Variants in SMIM27 observed in about 807,000 individuals in gnomAD.
SMIM27 encodes the protein TOPORS antisense RNA 1 (non-protein coding).
In SMIM27, 3 loss-of-function variants were observed where a neutral mutation model predicts 1.8. That is an observed-to-expected ratio of 1.65 (90% CI 0.75 to 4.28). SMIM27 has a LOEUF of 4.28. Ranked by LOEUF, SMIM27 falls within the 30% of genes most tolerant of loss-of-function variation. The probability of loss-of-function intolerance (pLI) is 0.02; values close to 1 mark genes in which losing one functional copy is unlikely to be tolerated. For missense variants in SMIM27, 63 were observed against 37.0 expected, an observed-to-expected ratio of 1.70 and a Z score of -1.83; for synonymous variants, 19 against 13.9, an observed-to-expected ratio of 1.37 and a Z score of -0.82.
rs924013379 is a variant in SMIM27 at position 32,559,022 on chromosome 9, C to A, written c.45+6543C>A. On this transcript the variant is annotated intron_variant, in intron 1 of 1. Transcript: ENST00000451672. ...TTTCTTCTGAAAATAAGAAATAGGT[C>A]ATACCCCAAATTTTAACTTAAGCTC... 5 of 1,134,404 alleles carry A rather than the reference C, an allele frequency of 4.4e-6. No individual in the cohort carries two copies. The Admixed American group carries it at 8.4e-5, about 19-fold the overall frequency. 70.3% of individuals were successfully genotyped at this position (1,134,404 alleles called of 1,614,324 possible).
chr9:32,566,637 G>A (rs1056140220), exon 2 of SMIM27: 2 of 793,892 alleles, frequency 2.5e-6, no homozygotes, highest in African/African-American at 1.7e-5. Context: ...CACCATGGAG[G>A]AGCAGGAGCT....
intron 1 of SMIM27, among the ~76,000 whole-genome samples, chr9:32,565,997 A>T (rs1821774860): frequency 6.6e-6 from 1 of 151,924 alleles, no homozygotes; most frequent in South Asian, 2.1e-4. Flanking sequence ...ACAAACAATG[A>T]TTCAGAAATG....
chr9:32,552,748 G>T (rs1238795793), intron 1 of SMIM27, 53 bp from the exon 2 acceptor site: 2 of 684,384 alleles, frequency 2.9e-6, no homozygotes, highest in Non-Finnish European at 5.3e-6. Flanking sequence ...CCTGACGGGG[G>T]CGAGGGGAAA....
At chr9:32,561,845 T>TCAA (rs760443052) in intron 1 of SMIM27, among the ~76,000 whole-genome samples, 2 of 152,240 alleles carry the variant, frequency 1.3e-5, no homozygotes, top group Non-Finnish European at 2.9e-5. Flanking sequence ...AACCAGATTC[T>TCAA]CAACTGACAT....
At chr9:32,560,801 T>C (rs1282357106) in intron 1 of SMIM27, among the ~76,000 whole-genome samples, 1 of 152,236 alleles carries the variant, frequency 6.6e-6, no homozygotes, top group Non-Finnish European at 1.5e-5. Context: ...CAAAGGAGAT[T>C]ATTCTTATTT....
intron 1 of SMIM27, among the ~76,000 whole-genome samples, chr9:32,563,491 C>CTGTTTTTTTTTTT (rs1554673972): frequency 1.1e-5 from 1 of 92,004 alleles, no homozygotes; most frequent in Non-Finnish European, 2.2e-5. Context: ...GACTATTGGG[C>CTGTTTTTTTTTTT]TTTTTTTTTT....
At chr9:32,566,675 G>A in exon 2 of SMIM27, 2 of 816,406 alleles carry the variant, frequency 2.4e-6, no homozygotes, top group South Asian at 1.3e-5. Context: ...TCCGGATCCG[G>A]CTTTCACAGC....
At chr9:32,563,244 C>T (rs1054071055) in intron 1 of SMIM27, among the ~76,000 whole-genome samples, 5 of 152,180 alleles carry the variant, frequency 3.3e-5, no homozygotes, top group African/African-American at 1.2e-4. Context: ...CCAGATTTCT[C>T]TACTACAAAG....
exon 2 of SMIM27, chr9:32,566,417 T>C: frequency 2.3e-6 from 2 of 873,550 alleles, no homozygotes; most frequent in South Asian, 2.6e-5. Flanking sequence ...AGGAGCCTGC[T>C]CTCCCTGTTA....
At chr9:32,553,178 C>A (rs1821349407), downstream of SMIM27, 1 of 327,524 alleles carries the variant, frequency 3.1e-6, no homozygotes, top group Non-Finnish European at 5.6e-6. Flanking sequence ...TTTCTAAATT[C>A]TTCAAAAATG....
At chr9:32,562,685 AAAAT>A (rs1200161516) in intron 1 of SMIM27, among the ~76,000 whole-genome samples, 3 of 152,228 alleles carry the variant, frequency 2.0e-5, no homozygotes, top group Admixed American at 1.3e-4. Flanking sequence ...CAATATTCTT[AAAAT>A]AATTACAATA....
upstream of SMIM27, chr9:32,552,169 G>C: frequency 4.0e-6 from 2 of 505,104 alleles, no homozygotes; most frequent in Non-Finnish European, 3.4e-6. Flanking sequence ...TATCTCCTTA[G>C]TTGGCAAAAA....
intron 1 of SMIM27, chr9:32,558,798 A>T: frequency 1.4e-6 from 1 of 724,490 alleles, no homozygotes; most frequent in Non-Finnish European, 2.2e-6. Context: ...ACAGGGACTT[A>T]AACCGAAAGT....
chr9:32,564,613 A>C lies in SMIM27; in HGVS notation c.46-1778A>C, dbSNP rs544590371. The stretch of plus-strand genomic sequence containing the variant: ...ATGATTTAGAAAATGAGTCCTCTGT[A>C]ATCCAGTCCCACCCCCATGTCCCCC... On this transcript the variant is annotated intron_variant, in intron 1 of 1. Coordinates refer to the SMIM27 transcript ENST00000451672. Among the ~76,000 whole-genome samples the C allele has an allele frequency of 2.0e-5, 3 of 152,334 alleles. No individual in the cohort carries two copies. The East Asian group carries it at 5.8e-4, about 29-fold the overall frequency.
At chr9:32,565,848 T>C (rs1010962635) in intron 1 of SMIM27, among the ~76,000 whole-genome samples, 1 of 152,096 alleles carries the variant, frequency 6.6e-6, no homozygotes, top group Non-Finnish European at 1.5e-5. Flanking sequence ...GGCACATACC[T>C]GTAATCCTAG....
upstream of SMIM27, chr9:32,551,855 C>T (rs1162968102): frequency 4.6e-6 from 2 of 432,306 alleles, no homozygotes; most frequent in Non-Finnish European, 9.4e-6. Context: ...TTACGCTATA[C>T]GTTTCTGAAG....
At chr9:32,563,491 C>CTTTTTTTTTTTTTTTT (rs111646430) in intron 1 of SMIM27, among the ~76,000 whole-genome samples, 1,532 of 91,612 alleles carry the variant, frequency 0.017, 213 homozygotes, top group Middle Eastern at 0.034. Flanking sequence ...GACTATTGGG[C>CTTTTTTTTTTTTTTTT]TTTTTTTTTT....
Position 32,552,467 on chromosome 9 carries a change from G to A in SMIM27, c.33G>A (p.Trp11Ter). ...CAGTAAGTCGTCGCACGCTGGACTGGATTTATTCAGTGGTAAGTCCCGGGG... is the reference window on the plus strand; with the variant it reads ...CAGTAAGTCGTCGCACGCTGGACTGAATTTATTCAGTGGTAAGTCCCGGGG... MKPVSRRTLD[W>*]IYSVLLLAIV... The change falls in exon 1 of 2, where the codon TGG (tryptophan) becomes TGA (stop). Residue 11 changes from tryptophan to a stop codon, truncating the protein, a stop_gained. Coordinates refer to ENST00000692500, the MANE Select transcript of SMIM27 (RefSeq NM_001387564.1). LOFTEE classifies it low-confidence loss of function (END_TRUNC). The A allele has an allele frequency of 6.3e-7, 1 of 1,599,640 alleles. No homozygotes were observed. Among genetic ancestry groups the A allele is most frequent in the Non-Finnish European group, 8.5e-7 (1 of 1,173,644 alleles).
At chr9:32,563,169 CAT>C (rs1341426752) in intron 1 of SMIM27, among the ~76,000 whole-genome samples, 2 of 152,176 alleles carry the variant, frequency 1.3e-5, no homozygotes, top group African/African-American at 4.8e-5. Flanking sequence ...TATCAAGTAA[CAT>C]AATTTCAGTT....
Sources: allele counts gnomAD v4.1 joint callset (sites outside exome capture counted in the v4.1 genomes callset), GRCh38; gene constraint gnomAD v4.1.1; transcripts MANE v1.5; gene names NCBI Gene and HGNC (gene_info 2026-07-23, HGNC 2026-07-21).